The following PLCG1 variants were observed in gnomAD, a reference collection of about 807,000 sequenced individuals.
PLCG1 encodes the protein phospholipase C gamma 1.
PLCG1 carries 71 observed loss-of-function variants against 177.8 expected under a neutral mutation model. The observed-to-expected ratio is 0.40, with a 90% confidence interval of 0.33 to 0.49. PLCG1 has a LOEUF of 0.49. PLCG1 is among the 20% of genes least tolerant of loss of function. The pLI, the probability that PLCG1 is intolerant of heterozygous loss-of-function variation, is 0.72. For synonymous variants in PLCG1, 658 were observed against 647.9 expected (o/e 1.02, Z -0.24); for missense variants, 1,281 against 1,709.0 (o/e 0.75, Z 4.42).
rs2036031738 is a variant in PLCG1, at chr20:41,175,321, A to C, written c.*812A>C. ...GGGGGGCGGGCCAGGGTGGGAAGAG[A>C]AGAAATAGCAGAGCCTATTTTGGTG... On this transcript the variant is annotated 3_prime_UTR_variant, in exon 32 of 32. Transcript: ENST00000685551. 1 of 152,212 alleles carries C rather than the reference A, an allele frequency of 6.6e-6. No homozygotes were observed. The highest frequency in any genetic ancestry group is 2.4e-5 in the African/African-American group (1 of 41,442). 9.4% of individuals were successfully genotyped at this position (152,212 alleles called of 1,614,324 possible).
chr20:41,170,465 G>T, intron 24 of PLCG1, 196 bp downstream of exon 24: 1 of 596,766 alleles, frequency 1.7e-6, no homozygotes, highest in South Asian at 2.1e-5. Flanking sequence ...TTTAGGTTGT[G>T]TTGAGTTTGA....
rs1227133215 is a variant in PLCG1 at position 41,156,066 on chromosome 20, A to G, written c.218-3540A>G. Among the ~76,000 whole-genome samples, 3 of 152,232 alleles carry G rather than the reference A, an allele frequency of 2.0e-5. No individual in the cohort carries two copies. The highest frequency in any genetic ancestry group is 4.4e-5 in the Non-Finnish European group (3 of 68,024). ...CCTGGGGCACCAGGAAGCCTGGCTT[A>G]TGAGAAGGTTCTCAGTCCTCAGAGC... On this transcript the variant is annotated intron_variant, in intron 1 of 31. Coordinates refer to ENST00000685551, the MANE Select transcript of PLCG1 (RefSeq NM_002660.3). This position sits in a 1 kb window ranked among gnomAD's most constrained non-coding sequence, Gnocchi z 5.0.
In PLCG1 at chr20:41,146,944, C is replaced by T. The variant is rs1196223677; in HGVS notation, c.217+9086C>T. Among the ~76,000 whole-genome samples the T allele has an allele frequency of 6.6e-6, 1 of 152,162 alleles. No homozygotes were observed. Among genetic ancestry groups the T allele is most frequent in the Non-Finnish European group, 1.5e-5 (1 of 68,028 alleles). On this transcript the variant is annotated intron_variant, in intron 1 of 31. Transcript: ENST00000685551. This position sits in a 1 kb window ranked among gnomAD's most constrained non-coding sequence, Gnocchi z 6.3. The stretch of plus-strand genomic sequence containing the variant: ...AGTTGGCCATAGGTCCCACAGGTTT[C>T]TCAGCTTACTTGGGGGCAGGAGGTG...
intron 20 of PLCG1, among the ~76,000 whole-genome samples, chr20:41,168,257 C>A (rs1482932770): frequency 2.0e-5 from 3 of 152,204 alleles, no homozygotes; most frequent in Non-Finnish European, 4.4e-5. Flanking sequence ...AGCCCTGTTA[C>A]ACAGGTTCTT....
chr20:41,161,762 C>T (rs1036945535), intron 4 of PLCG1, among the ~76,000 whole-genome samples: 1 of 151,792 alleles, frequency 6.6e-6, no homozygotes, highest in African/African-American at 2.4e-5. Context: ...AAGCCCCCCC[C>T]TTCCCCCTTC....
intron 22 of PLCG1, 109 bp from the exon 23 acceptor site, chr20:41,169,348 G>T: frequency 1.0e-6 from 1 of 976,434 alleles, no homozygotes; most frequent in South Asian, 1.4e-5. Flanking sequence ...TGCTACATTT[G>T]GCAGTCACAG....
chr20:41,140,183 C>T (rs35037592), intron 1 of PLCG1, among the ~76,000 whole-genome samples: 368 of 152,250 alleles, frequency 2.4e-3, no homozygotes, highest in African/African-American at 8.3e-3. Flanking sequence ...GGAGAGTAGG[C>T]AGAGGATGTA....
rs1477383898 is a variant in PLCG1 at position 41,165,630 on chromosome 20, C to T, written c.1612-9C>T. ...TCACAGTATCTTTGCTGTTGCCTTCCCCTGACAGGTCAGCAGCAGCACAGA... is the reference window on the plus strand; with the variant it reads ...TCACAGTATCTTTGCTGTTGCCTTCTCCTGACAGGTCAGCAGCAGCACAGA... On this transcript the variant is annotated splice_polypyrimidine_tract_variant and intron_variant, in intron 15 of 31. Coordinates refer to ENST00000685551, the MANE Select transcript of PLCG1 (RefSeq NM_002660.3). The surrounding 1 kb of genome is among the most constrained non-coding windows in gnomAD (Gnocchi z 6.6). 1 of 1,612,374 alleles carries T rather than the reference C, an allele frequency of 6.2e-7. No homozygotes were observed. The highest frequency in any genetic ancestry group is 1.3e-5 in the African/African-American group (1 of 74,912).
chr20:41,154,658 C>T (rs2035263940), intron 1 of PLCG1, among the ~76,000 whole-genome samples: 1 of 152,068 alleles, frequency 6.6e-6, no homozygotes, highest in South Asian at 2.1e-4. Context: ...CAGGAAGCAG[C>T]CCTACCTTCA....
rs1261885734 is a variant in PLCG1 at position 41,156,224 on chromosome 20, C to G, written c.218-3382C>G. On this transcript the variant is annotated intron_variant, in intron 1 of 31. Coordinates refer to ENST00000685551, the MANE Select transcript of PLCG1 (RefSeq NM_002660.3). The surrounding 1 kb of genome is among the most constrained non-coding windows in gnomAD (Gnocchi z 5.0). ...AATATAAGGGACTAAATCCCCCTCA[C>G]TGCCCCAAGCAGCTTATCTTGTCAC... Among the ~76,000 whole-genome samples, 1 of 152,244 alleles carries G rather than the reference C, an allele frequency of 6.6e-6. No individual in the cohort carries two copies. The highest frequency in any genetic ancestry group is 1.5e-5 in the Non-Finnish European group (1 of 68,040).
Position 41,173,506 on chromosome 20 carries a change from C to T in PLCG1, c.3366C>T (p.Asp1122=), listed in dbSNP as rs765685384. The part of the protein sequence containing the change: ...VEIEVAGAEY[D]STKQKTEFVV... ...TTGAGGTGGCTGGAGCTGAGTATGACAGCACCAAGCAGAAGACAGAGTTTG... is the reference window on the plus strand; with the variant it reads ...TTGAGGTGGCTGGAGCTGAGTATGATAGCACCAAGCAGAAGACAGAGTTTG... The change falls in exon 28 of 32, where the codon GAC becomes GAT. Residue 1122 remains aspartate, a synonymous_variant. Transcript: ENST00000685551. This position sits in a 1 kb window ranked among gnomAD's most constrained non-coding sequence, Gnocchi z 6.2. The T allele has an allele frequency of 9.0e-5, 144 of 1,592,242 alleles. No homozygotes were observed. The highest frequency in any genetic ancestry group is 1.2e-4 in the Non-Finnish European group (141 of 1,169,520).
At position 41,137,589 on chromosome 20, in the gene PLCG1, C is replaced by T; in HGVS notation, c.-53C>T. On this transcript the variant is annotated 5_prime_UTR_variant, in exon 1 of 32. Transcript: ENST00000685551. The surrounding 1 kb of genome is among the most constrained non-coding windows in gnomAD (Gnocchi z 7.3). The stretch of plus-strand genomic sequence containing the variant: ...CCCAACCTCAGCCGCCGCCGTTGCG[C>T]TTGCTCCCGGGCGGTCCTGGCCTGT... 8.7e-7 allele frequency: 1 copy of T among 1,145,438 alleles called. No individual in the cohort carries two copies. Among genetic ancestry groups the T allele is most frequent in the Non-Finnish European group, 1.1e-6 (1 of 898,722 alleles). 71.0% of individuals were successfully genotyped at this position (1,145,438 alleles called of 1,614,324 possible).
chr20:41,149,213 C>T (rs756501472), intron 1 of PLCG1, among the ~76,000 whole-genome samples: 8 of 152,174 alleles, frequency 5.3e-5, no homozygotes, highest in South Asian at 2.1e-4. Context: ...TGGACTCTAA[C>T]GTAAGCTATC....
intron 4 of PLCG1, chr20:41,162,237 T>TTTG: frequency 4.6e-6 from 1 of 218,466 alleles, no homozygotes; most frequent in South Asian, 2.0e-4. Context: ...TTGTTTTTGT[T>TTTG]TTTTTTTTTT....
chr20:41,173,569 G>A lies in PLCG1; in HGVS notation c.3394+35G>A, dbSNP rs374493403. ...TCTTCCCAGTCATCCTCCTCATCCT[G>A]CTGGGGCACTGCAAGCCTCTCCCCA... On this transcript the variant is annotated intron_variant, in intron 28 of 31. Coordinates refer to ENST00000685551, the MANE Select transcript of PLCG1 (RefSeq NM_002660.3). The surrounding 1 kb of genome is among the most constrained non-coding windows in gnomAD (Gnocchi z 6.2). 18 of 1,613,828 alleles carry A rather than the reference G, an allele frequency of 1.1e-5. No individual in the cohort carries two copies. The highest frequency in any genetic ancestry group is 1.6e-4 in the Middle Eastern group (1 of 6,084).
At position 41,163,179 on chromosome 20, in the gene PLCG1, C is replaced by G. The variant is rs369690801; in HGVS notation, c.717-24C>G. The G allele has an allele frequency of 7.9e-5, 122 of 1,546,166 alleles. No homozygotes were observed. Among genetic ancestry groups the G allele is most frequent in the Non-Finnish European group, 6.5e-5 (75 of 1,147,916 alleles). On this transcript the variant is annotated intron_variant, in intron 7 of 31. Coordinates refer to ENST00000685551, the MANE Select transcript of PLCG1 (RefSeq NM_002660.3). The surrounding 1 kb of genome is among the most constrained non-coding windows in gnomAD (Gnocchi z 5.2). ...CCTTGTTGTCTGTTGACCATACTAG[C>G]TAGCTTACCTTCTCTCCCTGCAGGG...
rs2035174572 is a variant in PLCG1, at chr20:41,151,811, C to T, written c.218-7795C>T. Among the ~76,000 whole-genome samples the T allele has an allele frequency of 6.6e-6, 1 of 152,196 alleles. No homozygotes were observed. The highest frequency in any genetic ancestry group is 2.4e-5 in the African/African-American group (1 of 41,444). ...TGTCCAGGTCCTATCTTTGTCTCTT[C>T]TTTGGCTACCTCCATCCTTTTCCTT... On this transcript the variant is annotated intron_variant, in intron 1 of 31. Coordinates refer to ENST00000685551, the MANE Select transcript of PLCG1 (RefSeq NM_002660.3). The surrounding 1 kb of genome is among the most constrained non-coding windows in gnomAD (Gnocchi z 5.5).
At chr20:41,169,410 C>T (rs773267306) in intron 22 of PLCG1, 47 bp from the exon 23 acceptor site, 27 of 1,404,700 alleles carry the variant, frequency 1.9e-5, no homozygotes, top group Admixed American at 3.4e-5. Flanking sequence ...CCCTCACACA[C>T]ATATGCAGTA....
rs1362604120 is a variant in PLCG1 at position 41,166,960 on chromosome 20, T to C, written c.2301+101T>C. The C allele has an allele frequency of 9.3e-6, 11 of 1,176,742 alleles. No individual in the cohort carries two copies. The highest frequency in any genetic ancestry group is 4.7e-5 in the East Asian group (2 of 42,528). The allele number at this position is 1,176,742 out of a possible 1,614,324, so 72.9% of individuals were successfully genotyped here. ...TGTAACAGCAAGACCTGGTGTGTTG[T>C]AGAAGTTCGTGGGAGGGCCCCTGAC... On this transcript the variant is annotated intron_variant, in intron 19 of 31. Coordinates refer to ENST00000685551, the MANE Select transcript of PLCG1 (RefSeq NM_002660.3). The surrounding 1 kb of genome is among the most constrained non-coding windows in gnomAD (Gnocchi z 8.6).
Sources: allele counts gnomAD v4.1 joint callset (sites outside exome capture counted in the v4.1 genomes callset), GRCh38; gene constraint gnomAD v4.1.1; non-coding constraint Gnocchi (gnomAD v3.1); transcripts MANE v1.5; gene names NCBI Gene and HGNC (gene_info 2026-07-23, HGNC 2026-07-21).